The following ARHGAP24 variants were observed in gnomAD, a reference collection of about 807,000 sequenced individuals.
The protein encoded by ARHGAP24 is Rho GTPase activating protein 24.
A neutral mutation model predicts 76.4 loss-of-function variants in ARHGAP24; 50 were observed. The ratio of observed to expected loss-of-function variants is 0.65; its 90% CI spans 0.52 to 0.83. The LOEUF (loss-of-function observed/expected upper bound fraction) is 0.83, where lower values mean the gene tolerates loss of function less well. ARHGAP24 is among the 40% of genes least tolerant of loss of function. The pLI is 0.00. For synonymous variants in ARHGAP24, 345 were observed against 323.3 expected (o/e 1.07, Z -0.72); for missense variants, 930 against 914.2 (o/e 1.02, Z -0.22).
intron 1 of ARHGAP24, among the ~76,000 whole-genome samples, chr4:85,501,548 C>T (rs929580239): frequency 1.3e-5 from 2 of 152,128 alleles, no homozygotes; most frequent in Non-Finnish European, 2.9e-5. Context: ...TGTTCATATC[C>T]TTTACCCACT....
chr4:85,878,762 G>A (rs1733077761), intron 3 of ARHGAP24, among the ~76,000 whole-genome samples: 1 of 152,056 alleles, frequency 6.6e-6, no homozygotes. Context: ...AGCTCCTCCA[G>A]TTATGTCCAT....
intron 2 of ARHGAP24, among the ~76,000 whole-genome samples, chr4:85,645,777 T>G (rs536628838): frequency 6.6e-6 from 1 of 152,212 alleles, no homozygotes; most frequent in East Asian, 1.9e-4. Flanking sequence ...ACACTGATAA[T>G]CCAGCTGAGA....
intron 3 of ARHGAP24, among the ~76,000 whole-genome samples, chr4:85,824,208 C>G (rs1280042231): frequency 6.6e-6 from 1 of 152,130 alleles, no homozygotes; most frequent in Non-Finnish European, 1.5e-5. Flanking sequence ...TTTTGGATTA[C>G]TTTCATTTTT....
intron 3 of ARHGAP24, among the ~76,000 whole-genome samples, chr4:85,915,149 A>C (rs1050239743): frequency 6.6e-6 from 1 of 152,212 alleles, no homozygotes; most frequent in African/African-American, 2.4e-5. Flanking sequence ...TTGGACTTAA[A>C]TTGTTAACTT....
intron 1 of ARHGAP24, among the ~76,000 whole-genome samples, chr4:85,494,553 A>T (rs764922278): frequency 5.3e-5 from 8 of 151,538 alleles, no homozygotes; most frequent in Non-Finnish European, 8.8e-5. Context: ...GGCGTGGTGG[A>T]GCCTGTAGTC....
At chr4:85,715,531 G>A (rs1297025667) in intron 2 of ARHGAP24, among the ~76,000 whole-genome samples, 2 of 152,000 alleles carry the variant, frequency 1.3e-5, no homozygotes, top group South Asian at 2.1e-4. Flanking sequence ...ACCTGAGGAA[G>A]GGGGAGAAAT....
chr4:85,519,688 T>A lies in ARHGAP24; in HGVS notation c.-21+44129T>A, dbSNP rs1724661150. ...AAGCAGCAATTCGATTTTTCTAGAA[T>A]CTGAAAATATTCGTTTCTGAAGAGA... On this transcript the variant is annotated intron_variant, in intron 1 of 9. Transcript: ENST00000395184. Among the ~76,000 whole-genome samples the A allele has an allele frequency of 2.6e-5, 4 of 152,300 alleles. No homozygotes were observed. In the South Asian group the frequency reaches 8.3e-4, roughly 32 times the overall value.
chr4:85,967,245 G>A (rs561531638), intron 5 of ARHGAP24, among the ~76,000 whole-genome samples: 4 of 152,234 alleles, frequency 2.6e-5, no homozygotes, highest in African/African-American at 7.2e-5. Flanking sequence ...AAAGTGTTAC[G>A]AAGTAGAAGA....
chr4:85,576,666 C>G (rs1472219572), intron 2 of ARHGAP24, among the ~76,000 whole-genome samples: 1 of 152,086 alleles, frequency 6.6e-6, no homozygotes, highest in East Asian at 1.9e-4. Context: ...TAAGATGGTA[C>G]TGTGTGTCAT....
chr4:85,514,030 A>G (rs1268028409), intron 1 of ARHGAP24, among the ~76,000 whole-genome samples: 1 of 152,168 alleles, frequency 6.6e-6, no homozygotes, highest in Non-Finnish European at 1.5e-5. Context: ...TTATCTCCTC[A>G]TCAATCCTTT....
chr4:85,565,121 G>A (rs1046768191), intron 1 of ARHGAP24, among the ~76,000 whole-genome samples: 6 of 151,342 alleles, frequency 4.0e-5, no homozygotes, highest in Non-Finnish European at 5.9e-5. Flanking sequence ...TACCTAGCAC[G>A]TAGACATACA....
intron 3 of ARHGAP24, among the ~76,000 whole-genome samples, chr4:85,802,132 T>C (rs552858499): frequency 1.9e-4 from 29 of 152,258 alleles, no homozygotes; most frequent in Middle Eastern, 3.4e-3. Context: ...ATGGATAATG[T>C]TTGGATAAGA....
intron 4 of ARHGAP24, among the ~76,000 whole-genome samples, chr4:85,935,229 A>G (rs575373558): frequency 4.6e-5 from 7 of 152,342 alleles, no homozygotes; most frequent in Admixed American, 1.3e-4. Flanking sequence ...TCATATATCA[A>G]TGTTTTATGG....
intron 3 of ARHGAP24, among the ~76,000 whole-genome samples, chr4:85,804,340 C>T (rs1212298597): frequency 2.0e-5 from 3 of 152,138 alleles, no homozygotes; most frequent in South Asian, 2.1e-4. Context: ...ACAACAGGTA[C>T]TGTACTTGGA....
At chr4:85,780,098 A>G (rs1408627017) in intron 3 of ARHGAP24, among the ~76,000 whole-genome samples, 1 of 152,236 alleles carries the variant, frequency 6.6e-6, no homozygotes, top group Admixed American at 6.5e-5. Flanking sequence ...TCTATAATGC[A>G]GTAATACATT....
intron 1 of ARHGAP24, among the ~76,000 whole-genome samples, chr4:85,476,686 C>A (rs1422316549): frequency 4.6e-5 from 7 of 152,150 alleles, no homozygotes; most frequent in African/African-American, 1.4e-4. Context: ...CAATCTGTCC[C>A]CAGTTCCAAT....
In ARHGAP24 at chr4:85,839,225, C is replaced by T. The variant is rs553222749; in HGVS notation, c.269-84423C>T. Among the ~76,000 whole-genome samples the T allele has an allele frequency of 3.3e-5, 5 of 152,222 alleles. No individual in the cohort carries two copies. The East Asian group carries it at 7.7e-4, about 24-fold the overall frequency. On this transcript the variant is annotated intron_variant, in intron 3 of 9. Coordinates refer to ENST00000395184, the MANE Select transcript of ARHGAP24 (RefSeq NM_001025616.3). ...AAAAAGAGTAATTTGTAAGTATGTG[C>T]GGCTTAACATAGCCCTTGCTCCAAA...
chr4:86,000,280 G>A (rs1740934209), intron 9 of ARHGAP24, 199 bp from the exon 10 acceptor site: 1 of 476,694 alleles, frequency 2.1e-6, no homozygotes, highest in South Asian at 2.1e-5. Flanking sequence ...TAAGGTGACA[G>A]TAAATCATCT....
intron 3 of ARHGAP24, among the ~76,000 whole-genome samples, chr4:85,856,462 G>A (rs2110170180): frequency 7.3e-6 from 1 of 137,380 alleles, no homozygotes; most frequent in East Asian, 2.2e-4. Flanking sequence ...TTTTTAAAAG[G>A]AAATTACTCT....
Sources: allele counts gnomAD v4.1 joint callset (sites outside exome capture counted in the v4.1 genomes callset), GRCh38; gene constraint gnomAD v4.1.1; transcripts MANE v1.5; gene names NCBI Gene and HGNC (gene_info 2026-07-23, HGNC 2026-07-21).